Variants in CNTNAP2 observed in about 807,000 individuals in gnomAD.
CNTNAP2 encodes the protein contactin associated protein 2.
A neutral mutation model predicts 155.2 loss-of-function variants in CNTNAP2; 98 were observed. The observed-to-expected ratio is 0.63, with a 90% CI of 0.54 to 0.75. CNTNAP2 has a LOEUF of 0.75. CNTNAP2 is among the 30% of genes least tolerant of loss of function. The pLI is 0.00. For missense variants in CNTNAP2, 1,727 were observed against 1,688.1 expected, an observed-to-expected ratio of 1.02 and a Z score of -0.40; for synonymous variants, 651 against 631.2, an observed-to-expected ratio of 1.03 and a Z score of -0.47.
intron 9 of CNTNAP2, among the ~76,000 whole-genome samples, chr7:147,345,872 A>G (rs1323233848): frequency 6.6e-6 from 1 of 152,210 alleles, no homozygotes; most frequent in African/African-American, 2.4e-5. Context: ...ATTTTGTAGC[A>G]AGGAACTAGA....
At chr7:146,256,804 AT>A (rs772747096) in intron 1 of CNTNAP2, among the ~76,000 whole-genome samples, 80 of 152,156 alleles carry the variant, frequency 5.3e-4, no homozygotes, top group African/African-American at 1.9e-3. Context: ...AAAACATGAG[AT>A]TTGAAATATC....
chr7:147,574,094 C>T (rs1800344361), intron 12 of CNTNAP2, among the ~76,000 whole-genome samples: 2 of 152,096 alleles, frequency 1.3e-5, no homozygotes, highest in African/African-American at 4.8e-5. Context: ...TATGATTTAT[C>T]TATTGTCTCT....
chr7:147,731,690 A>G (rs1796742035), intron 13 of CNTNAP2, among the ~76,000 whole-genome samples: 1 of 152,178 alleles, frequency 6.6e-6, no homozygotes, highest in African/African-American at 2.4e-5. Flanking sequence ...TCATAGGGCT[A>G]GAGCTGCCAA....
intron 4 of CNTNAP2, among the ~76,000 whole-genome samples, chr7:147,053,810 A>G (rs1387236192): frequency 1.3e-5 from 2 of 152,182 alleles, no homozygotes. Context: ...CTGGTTAAAG[A>G]GAAGAATAAA....
At chr7:146,200,383 G>T (rs1231353177) in intron 1 of CNTNAP2, among the ~76,000 whole-genome samples, 2 of 151,902 alleles carry the variant, frequency 1.3e-5, no homozygotes, top group East Asian at 3.9e-4. Flanking sequence ...AGTCTCAGCT[G>T]CTCGGGAGGC....
intron 3 of CNTNAP2, among the ~76,000 whole-genome samples, chr7:146,945,047 G>A (rs1162056632): frequency 1.3e-5 from 2 of 152,078 alleles, no homozygotes; most frequent in Non-Finnish European, 2.9e-5. Flanking sequence ...AATACTCAGT[G>A]CACGTGATAA....
chr7:148,098,261 T>C (rs996982891), intron 15 of CNTNAP2, among the ~76,000 whole-genome samples: 5 of 151,588 alleles, frequency 3.3e-5, no homozygotes, highest in African/African-American at 1.2e-4. Flanking sequence ...CTGGCAAACA[T>C]GGTGAAACCC....
Position 147,300,268 on chromosome 7 carries a change from T to G in CNTNAP2, c.1476T>G (p.Thr492=), listed in dbSNP as rs768890589. ...VRTNSPLQVK[T]GEKYFFGGFL... Reference sequence around the variant, plus strand: ...CTAATAGTCCCCTTCAAGTTAAAACTGGCGAGAAGTACTTTTTTGGAGGTA... The same window carrying G: ...CTAATAGTCCCCTTCAAGTTAAAACGGGCGAGAAGTACTTTTTTGGAGGTA... The change falls in exon 9 of 24, where the codon ACT becomes ACG. Residue 492 remains threonine, a synonymous_variant. Coordinates refer to ENST00000361727, the MANE Select transcript of CNTNAP2 (RefSeq NM_014141.6). The G allele has an allele frequency of 1.4e-5, 22 of 1,613,912 alleles. No individual in the cohort carries two copies. The East Asian group carries it at 4.7e-4, about 34-fold the overall frequency.
chr7:147,469,939 G>A (rs1563216777), intron 10 of CNTNAP2, among the ~76,000 whole-genome samples: 1 of 152,160 alleles, frequency 6.6e-6, no homozygotes, highest in African/African-American at 2.4e-5. Context: ...ATTCTAGGCA[G>A]ACACTAGCAG....
chr7:147,253,336 C>A (rs1203039140), intron 8 of CNTNAP2, among the ~76,000 whole-genome samples: 1 of 150,732 alleles, frequency 6.6e-6, no homozygotes, highest in East Asian at 1.9e-4. Context: ...AAGCATCAGC[C>A]AGATCCAGCT....
chr7:147,145,426 C>T (rs959063125), intron 8 of CNTNAP2, among the ~76,000 whole-genome samples: 4 of 152,042 alleles, frequency 2.6e-5, no homozygotes, highest in Non-Finnish European at 5.9e-5. Context: ...CAATACCTAC[C>T]CACCTGCACC....
At position 147,565,511 on chromosome 7, in the gene CNTNAP2, G is replaced by A. The variant is rs543172968; in HGVS notation, c.1897+3254G>A. On this transcript the variant is annotated intron_variant, in intron 12 of 23. Transcript: ENST00000361727. Reference sequence around the variant, plus strand: ...AGACAGCATGAAAACATTGGGACCAGCTCTGAAGCTATTATTGCAAAAGTC... The same window carrying A: ...AGACAGCATGAAAACATTGGGACCAACTCTGAAGCTATTATTGCAAAAGTC... 3.9e-5 allele frequency among the ~76,000 whole-genome samples: 6 copies of A among 152,226 alleles called. No individual in the cohort carries two copies. In the South Asian group the frequency reaches 1.0e-3, roughly 26 times the overall value.
intron 1 of CNTNAP2, among the ~76,000 whole-genome samples, chr7:146,555,316 G>A (rs1374905355): frequency 6.6e-6 from 1 of 152,126 alleles, no homozygotes; most frequent in Non-Finnish European, 1.5e-5. Context: ...CATTAATTAA[G>A]TCATGCATTA....
At position 146,485,163 on chromosome 7, in the gene CNTNAP2, A is replaced by ATT. The variant is rs35065017; in HGVS notation, c.98-289099_98-289098dup. Among the ~76,000 whole-genome samples, 10 of 149,376 alleles carry ATT rather than the reference A, an allele frequency of 6.7e-5. No individual in the cohort carries two copies. The East Asian group carries it at 7.9e-4, about 12-fold the overall frequency. On this transcript the variant is annotated intron_variant, in intron 1 of 23. Transcript: ENST00000361727. ...AATGGGAAAGTAACTGCTAATTGCT[A>ATT]TTTTTTTTTTGCAATGTTGGAAAGT...
chr7:146,494,352 T>A (rs1986151), intron 1 of CNTNAP2, among the ~76,000 whole-genome samples: 69,551 of 147,708 alleles, frequency 0.47, 16,994 homozygotes, highest in Admixed American at 0.59. Context: ...AATAAATAAA[T>A]AAAAATAAAT....
At chr7:146,573,439 C>A (rs1798473885) in intron 1 of CNTNAP2, among the ~76,000 whole-genome samples, 1 of 152,102 alleles carries the variant, frequency 6.6e-6, no homozygotes, top group Non-Finnish European at 1.5e-5. Flanking sequence ...CTGCGCCTGG[C>A]CTTTTGTTGT....
chr7:147,150,790 A>G (rs1291997804), intron 8 of CNTNAP2, among the ~76,000 whole-genome samples: 4 of 152,246 alleles, frequency 2.6e-5, no homozygotes, highest in African/African-American at 9.6e-5. Context: ...ACAAGACGAC[A>G]ACAGAGTAGG....
chr7:146,272,979 T>A (rs113979787), intron 1 of CNTNAP2, among the ~76,000 whole-genome samples: 1 of 150,888 alleles, frequency 6.6e-6, no homozygotes, highest in Non-Finnish European at 1.5e-5. Flanking sequence ...AGGTATAGAA[T>A]TGGCAGCACA....
intron 1 of CNTNAP2, among the ~76,000 whole-genome samples, chr7:146,297,110 A>C (rs529421104): frequency 5.3e-5 from 8 of 152,162 alleles, no homozygotes; most frequent in African/African-American, 1.7e-4. Context: ...CTGTTAATTC[A>C]ATTTTTTTCT....
Sources: allele counts gnomAD v4.1 joint callset (sites outside exome capture counted in the v4.1 genomes callset), GRCh38; gene constraint gnomAD v4.1.1; transcripts MANE v1.5; gene names NCBI Gene and HGNC (gene_info 2026-07-23, HGNC 2026-07-21).